MROH2B: variants seen among roughly 807,000 people sequenced by gnomAD.
The protein encoded by MROH2B is maestro heat-like repeat-containing protein family member 2B.
In MROH2B, 177 loss-of-function variants were observed where a neutral mutation model predicts 208.6. That is an observed-to-expected ratio of 0.85 (90% CI 0.75 to 0.96). The LOEUF (loss-of-function observed/expected upper bound fraction) is 0.96, where lower values mean the gene tolerates loss of function less well. Among genes scored for constraint, MROH2B ranks in the 40% least tolerant of loss-of-function variants. The pLI is 0.00. For missense variants in MROH2B, 2,002 were observed against 1,878.7 expected (o/e 1.07, Z -1.21); for synonymous variants, 728 against 659.0 (o/e 1.10, Z -1.60).
chr5:41,027,537 C>T (rs2150163502), intron 24 of MROH2B, among the ~76,000 whole-genome samples: 1 of 152,254 alleles, frequency 6.6e-6, no homozygotes, highest in Non-Finnish European at 1.5e-5. Flanking sequence ...AGTCAGGAAA[C>T]AACAGGTGCT....
intron 24 of MROH2B, among the ~76,000 whole-genome samples, chr5:41,022,203 C>T (rs2111888706): frequency 6.6e-6 from 1 of 152,178 alleles, no homozygotes; most frequent in South Asian, 2.1e-4. Context: ...ATGGTGGGGG[C>T]AGGACAGTGG....
intron 38 of MROH2B, 52 bp from the exon 39 acceptor site, chr5:41,000,403 C>T: frequency 6.3e-7 from 1 of 1,593,482 alleles, no homozygotes; most frequent in Non-Finnish European, 8.5e-7. Flanking sequence ...GATCTCCTTC[C>T]AGAAGGGAAA....
Position 41,008,629 on chromosome 5 carries a change from C to T in MROH2B, c.3585G>A (p.Gln1195=), listed in dbSNP as rs1029424607. ...ACCTGCAGGGGTCTGGGATCTGCTG[C>T]TGTTCTCCCTGCTGCATCACATGCC... ...HRRHVMQQGE[Q]QQIPDPCRLS... Residue 1195 remains glutamine (Q), a synonymous_variant, in exon 33 of 42, where the codon CAG becomes CAA. Coordinates refer to ENST00000399564, the MANE Select transcript of MROH2B (RefSeq NM_173489.5). 3 of 1,613,858 alleles carry T rather than the reference C, an allele frequency of 1.9e-6. No individual in the cohort carries two copies. Among genetic ancestry groups the T allele is most frequent in the South Asian group, 2.2e-5 (2 of 91,076 alleles).
chr5:40,999,607 C>T (rs1238490543), intron 40 of MROH2B, 70 bp downstream of exon 40: 11 of 1,378,172 alleles, frequency 8.0e-6, no homozygotes, highest in Non-Finnish European at 9.0e-6. Flanking sequence ...TACTGGACAG[C>T]TTCTGGTCAA....
intron 17 of MROH2B, among the ~76,000 whole-genome samples, chr5:41,047,142 T>C (rs754755578): frequency 3.9e-5 from 6 of 152,214 alleles, no homozygotes; most frequent in Non-Finnish European, 7.3e-5. Context: ...TGAAGTCACA[T>C]CTTTGTAAAG....
chr5:41,038,621 G>T (rs325848), intron 21 of MROH2B, 115 bp downstream of exon 21: 153,401 of 979,430 alleles, frequency 0.16, 12,815 homozygotes, highest in East Asian at 0.23. Context: ...GTTTTCACGT[G>T]GCTGATAAAA....
intron 28 of MROH2B, among the ~76,000 whole-genome samples, chr5:41,016,892 T>C (rs950977217): frequency 2.6e-5 from 4 of 151,778 alleles, no homozygotes. Context: ...TTGTACCTAC[T>C]TTGACTCTGC....
At chr5:41,065,062 T>TAA (rs904639829) in intron 4 of MROH2B, among the ~76,000 whole-genome samples, 5 of 152,310 alleles carry the variant, frequency 3.3e-5, no homozygotes, top group Admixed American at 3.3e-4. Context: ...GAATACACCT[T>TAA]ACAGAAAATG....
chr5:41,020,290 T>C (rs1251061250), intron 24 of MROH2B, among the ~76,000 whole-genome samples: 1 of 152,208 alleles, frequency 6.6e-6, no homozygotes, highest in Admixed American at 6.5e-5. Flanking sequence ...CAGACAGTTT[T>C]AAATGACATA....
chr5:41,022,222 C>T (rs962155948), intron 24 of MROH2B, among the ~76,000 whole-genome samples: 2 of 152,130 alleles, frequency 1.3e-5, no homozygotes, highest in Non-Finnish European at 2.9e-5. Flanking sequence ...GGGTGCAGCC[C>T]ACTGAGTGAG....
chr5:41,015,066 G>A (rs908475436), intron 29 of MROH2B, among the ~76,000 whole-genome samples: 1 of 152,176 alleles, frequency 6.6e-6, no homozygotes, highest in African/African-American at 2.4e-5. Context: ...TGTTTCTTGA[G>A]GATGAGGAGA....
At chr5:41,057,976 C>A in intron 7 of MROH2B, 87 bp downstream of exon 7, 1 of 1,301,062 alleles carries the variant, frequency 7.7e-7, no homozygotes, top group Non-Finnish European at 1.0e-6. Context: ...GGAGTTTAAG[C>A]TCCTTAGGGT....
intron 21 of MROH2B, among the ~76,000 whole-genome samples, chr5:41,038,000 T>G (rs1742817684): frequency 6.6e-6 from 1 of 152,160 alleles, no homozygotes; most frequent in South Asian, 2.1e-4. Flanking sequence ...TCAACTCAGT[T>G]TGGTGGCTCC....
At chr5:41,018,517 T>A in intron 26 of MROH2B, 87 bp from the exon 27 acceptor site, 2 of 1,486,890 alleles carry the variant, frequency 1.3e-6, no homozygotes, top group Middle Eastern at 1.8e-4. Flanking sequence ...CTGCCTCTTT[T>A]GTAACACGGT....
At position 41,070,934 on chromosome 5, in the gene MROH2B, G is replaced by A; in HGVS notation, c.-82C>T. On this transcript the variant is annotated 5_prime_UTR_variant, in exon 1 of 42. Transcript: ENST00000399564. ...GCTAAAAAATCAAAGAGGCAGGTTG[G>A]CAAGTTTCTCATATAAGGTTCACAT... 1.4e-6 allele frequency: 2 copies of A among 1,434,928 alleles called. No individual in the cohort carries two copies. Among genetic ancestry groups the A allele is most frequent in the African/African-American group, 1.4e-5 (1 of 70,942 alleles). The allele number at this position is 1,434,928 out of a possible 1,614,324, so 88.9% of individuals were successfully genotyped here.
At chr5:41,040,188 A>G (rs325851) in intron 19 of MROH2B, among the ~76,000 whole-genome samples, 23,583 of 152,194 alleles carry the variant, frequency 0.15, 1,972 homozygotes, top group East Asian at 0.3. Flanking sequence ...ATGCTTTTAA[A>G]GAATCATTCT....
intron 4 of MROH2B, among the ~76,000 whole-genome samples, chr5:41,065,058 A>G (rs1374198792): frequency 1.3e-5 from 2 of 152,334 alleles, no homozygotes; most frequent in East Asian, 1.9e-4. Context: ...TATAGAATAC[A>G]CCTTACAGAA....
chr5:41,014,046 C>G (rs746489404), intron 29 of MROH2B, among the ~76,000 whole-genome samples: 2 of 152,146 alleles, frequency 1.3e-5, no homozygotes, highest in Non-Finnish European at 2.9e-5. Flanking sequence ...CTCTCAGAAC[C>G]ACTGTTAGCC....
At chr5:41,006,975 C>T (rs1017115891) in intron 34 of MROH2B, among the ~76,000 whole-genome samples, 1 of 151,276 alleles carries the variant, frequency 6.6e-6, no homozygotes, top group Non-Finnish European at 1.5e-5. Context: ...TCCCCAAAAA[C>T]CTACTGAAAT....
Sources: gnomAD v4.1 joint callset for allele counts (sites outside exome capture counted in the v4.1 genomes callset) on GRCh38, gnomAD v4.1.1 for gene constraint, MANE v1.5 for transcripts, NCBI Gene and HGNC (gene_info 2026-07-23, HGNC 2026-07-21) for gene names.